Variants in GMDS observed in about 807,000 individuals in gnomAD.
GMDS encodes GDP-mannose 4,6-dehydratase, also known as GDP-mannose 4,6 dehydratase.
GMDS carries 20 observed loss-of-function variants against 49.9 expected under a neutral mutation model. That is an observed-to-expected ratio of 0.40 (90% CI 0.28 to 0.58). GMDS has a LOEUF of 0.58. Among genes scored for constraint, GMDS ranks in the 20% least tolerant of loss-of-function variants. The pLI, the probability that GMDS is intolerant of heterozygous loss-of-function variation, is 0.42. For synonymous variants in GMDS, 177 were observed against 178.6 expected, an observed-to-expected ratio of 0.99 and a Z score of 0.07; for missense variants, 362 against 481.4, an observed-to-expected ratio of 0.75 and a Z score of 2.32.
At chr6:2,120,559 T>C (rs988584799) in intron 2 of GMDS, among the ~76,000 whole-genome samples, 2 of 152,206 alleles carry the variant, frequency 1.3e-5, no homozygotes, top group Admixed American at 6.5e-5. Flanking sequence ...ATACATTGTG[T>C]TGTAGCTGTT....
chr6:1,834,034 C>CA (rs1303467369), intron 7 of GMDS, among the ~76,000 whole-genome samples: 3 of 151,802 alleles, frequency 2.0e-5, no homozygotes, highest in African/African-American at 4.8e-5. Flanking sequence ...TTAAAATTTA[C>CA]AAAAAAATTA....
At chr6:1,630,688 T>C (rs1403773263) in intron 9 of GMDS, among the ~76,000 whole-genome samples, 7 of 152,244 alleles carry the variant, frequency 4.6e-5, no homozygotes, top group African/African-American at 1.7e-4. Context: ...TCATACCTAT[T>C]TACAAGGTGC....
At chr6:2,187,461 T>C (rs1174441421) in intron 1 of GMDS, among the ~76,000 whole-genome samples, 1 of 152,136 alleles carries the variant, frequency 6.6e-6, no homozygotes, top group Non-Finnish European at 1.5e-5. Context: ...TGAGACAAAA[T>C]GCAAAATGGA....
chr6:2,093,408 A>T (rs1170290275), intron 4 of GMDS, among the ~76,000 whole-genome samples: 1 of 152,242 alleles, frequency 6.6e-6, no homozygotes, highest in South Asian at 2.1e-4. Flanking sequence ...TGACTTTAAA[A>T]GAAACATTCA....
chr6:2,022,657 T>G (rs1768348462), intron 4 of GMDS, among the ~76,000 whole-genome samples: 1 of 152,186 alleles, frequency 6.6e-6, no homozygotes, highest in African/African-American at 2.4e-5. Flanking sequence ...TACCCAAGGT[T>G]CTAGTGCACA....
intron 7 of GMDS, among the ~76,000 whole-genome samples, chr6:1,869,379 G>A (rs1329921485): frequency 1.3e-5 from 2 of 152,168 alleles, no homozygotes; most frequent in Non-Finnish European, 2.9e-5. Context: ...CTGTGGCCCA[G>A]GTATGTTTCT....
chr6:1,753,174 A>G (rs1767799983), intron 7 of GMDS, among the ~76,000 whole-genome samples: 1 of 152,220 alleles, frequency 6.6e-6, no homozygotes, highest in Non-Finnish European at 1.5e-5. Flanking sequence ...GGCTCAAAAT[A>G]AAGGGATGGA....
At chr6:2,008,468 C>T (rs1433644148) in intron 4 of GMDS, among the ~76,000 whole-genome samples, 2 of 152,162 alleles carry the variant, frequency 1.3e-5, no homozygotes, top group African/African-American at 2.4e-5. Flanking sequence ...AGTGGATGGA[C>T]TCAGCAGTGT....
intron 1 of GMDS, among the ~76,000 whole-genome samples, chr6:2,194,013 G>C (rs76250056): frequency 2.0e-5 from 3 of 149,392 alleles, no homozygotes; most frequent in Non-Finnish European, 2.9e-5. Flanking sequence ...GAGCCACCGC[G>C]TCCAGCCAAA....
At chr6:1,937,542 G>A (rs572024589) in intron 6 of GMDS, among the ~76,000 whole-genome samples, 6 of 152,184 alleles carry the variant, frequency 3.9e-5, no homozygotes, top group Admixed American at 1.3e-4. Flanking sequence ...ATGCTCCTTC[G>A]AGAATATCTA....
chr6:2,091,272 C>T (rs574429131), intron 4 of GMDS, among the ~76,000 whole-genome samples: 1 of 152,270 alleles, frequency 6.6e-6, no homozygotes, highest in Non-Finnish European at 1.5e-5. Context: ...TTCAATGGAT[C>T]AAAACACATT....
chr6:2,186,259 A>G (rs1778775181), intron 1 of GMDS, among the ~76,000 whole-genome samples: 6 of 152,268 alleles, frequency 3.9e-5, no homozygotes. Flanking sequence ...CAATGTTAAT[A>G]GAATACTGTT....
At chr6:1,650,424 T>G (rs767793751) in intron 9 of GMDS, among the ~76,000 whole-genome samples, 12 of 152,174 alleles carry the variant, frequency 7.9e-5, no homozygotes, top group Non-Finnish European at 1.6e-4. Context: ...CAGTGGCACC[T>G]TTTAAGAACG....
At position 1,952,944 on chromosome 6, in the gene GMDS, G is replaced by A. The variant is rs139706075; in HGVS notation, c.643+6923C>T. 3.3e-5 allele frequency among the ~76,000 whole-genome samples: 5 copies of A among 152,200 alleles called. No individual in the cohort carries two copies. The East Asian group carries it at 5.8e-4, about 18-fold the overall frequency. On this transcript the variant is annotated intron_variant, in intron 6 of 10. Coordinates refer to ENST00000380815, the MANE Select transcript of GMDS (RefSeq NM_001500.4). The stretch of plus-strand genomic sequence containing the variant: ...GAGTGACTCACGGCTGGTAACCAAC[G>A]GCCCACGAGGTAGGCTCATGTAACC...
At chr6:1,830,792 T>C (rs557524993) in intron 7 of GMDS, among the ~76,000 whole-genome samples, 11 of 152,370 alleles carry the variant, frequency 7.2e-5, no homozygotes, top group Admixed American at 6.5e-4. Context: ...CTATACACTA[T>C]AGTATACACA....
At chr6:1,708,220 G>A (rs1270275238) in intron 9 of GMDS, among the ~76,000 whole-genome samples, 1 of 152,156 alleles carries the variant, frequency 6.6e-6, no homozygotes, top group Non-Finnish European at 1.5e-5. Flanking sequence ...AACAAAATGC[G>A]GCATCTGGGT....
intron 4 of GMDS, among the ~76,000 whole-genome samples, chr6:1,988,921 A>G (rs1765743577): frequency 6.6e-6 from 1 of 152,060 alleles, no homozygotes; most frequent in Non-Finnish European, 1.5e-5. Flanking sequence ...TGCACTTGTC[A>G]AGAGTTATGC....
At chr6:1,972,683 A>C (rs1764688503) in intron 4 of GMDS, among the ~76,000 whole-genome samples, 2 of 152,236 alleles carry the variant, frequency 1.3e-5, no homozygotes, top group Non-Finnish European at 2.9e-5. Context: ...CACAATCCTC[A>C]GTAGTAATAG....
intron 7 of GMDS, among the ~76,000 whole-genome samples, chr6:1,783,260 C>T (rs1346462469): frequency 3.3e-5 from 5 of 152,210 alleles, no homozygotes; most frequent in Non-Finnish European, 4.4e-5. Context: ...AAACCTCAAA[C>T]AGGACTTAAT....
Sources: gnomAD v4.1 joint callset for allele counts (sites outside exome capture counted in the v4.1 genomes callset) on GRCh38, gnomAD v4.1.1 for gene constraint, MANE v1.5 for transcripts, NCBI Gene and HGNC (gene_info 2026-07-23, HGNC 2026-07-21) for gene names.